Variants in KLHL7 observed in about 807,000 individuals in gnomAD.
KLHL7 encodes the protein kelch-like protein 7.
In KLHL7, 44 loss-of-function variants were observed where a neutral mutation model predicts 67.4. The observed-to-expected ratio is 0.65, with a 90% CI of 0.51 to 0.84. The LOEUF (loss-of-function observed/expected upper bound fraction) is 0.84. KLHL7 is among the 40% of genes least tolerant of loss of function. The pLI is 0.00. For missense variants in KLHL7, 362 were observed against 718.1 expected (o/e 0.50, Z 5.67); for synonymous variants, 252 against 243.3 (o/e 1.04, Z -0.33).
intron 1 of KLHL7, among the ~76,000 whole-genome samples, chr7:23,109,614 C>T (rs1363577641): frequency 6.6e-6 from 1 of 152,208 alleles, no homozygotes; most frequent in African/African-American, 2.4e-5. Flanking sequence ...GTTAACTGGG[C>T]TCACCTTCCG....
chr7:23,156,058 G>T (rs181406826), intron 7 of KLHL7: 2 of 462,778 alleles, frequency 4.3e-6, no homozygotes, highest in African/African-American at 4.0e-5. Context: ...ATTCTCATTT[G>T]TTGTCTTGCC....
intron 4 of KLHL7, among the ~76,000 whole-genome samples, chr7:23,133,235 A>C (rs1468078135): frequency 1.3e-5 from 2 of 152,122 alleles, no homozygotes; most frequent in Non-Finnish European, 2.9e-5. Flanking sequence ...TATGGGAAGT[A>C]TGGACATTTT....
intron 4 of KLHL7, among the ~76,000 whole-genome samples, chr7:23,136,929 G>A (rs1471571640): frequency 6.6e-6 from 1 of 151,920 alleles, no homozygotes; most frequent in Non-Finnish European, 1.5e-5. Context: ...CTTGACTTAT[G>A]TATCCTACTC....
At chr7:23,115,481 A>G (rs569526259) in intron 1 of KLHL7, among the ~76,000 whole-genome samples, 3 of 152,102 alleles carry the variant, frequency 2.0e-5, no homozygotes, top group East Asian at 1.9e-4. Context: ...TTTACCATCT[A>G]TAGAAGAGAT....
chr7:23,136,213 G>A (rs539679643), intron 4 of KLHL7, among the ~76,000 whole-genome samples: 2 of 152,310 alleles, frequency 1.3e-5, no homozygotes, highest in Non-Finnish European at 2.9e-5. Context: ...TTGCAAATGA[G>A]AGGGAGAGAA....
chr7:23,123,366 C>G (rs747981921), intron 1 of KLHL7, among the ~76,000 whole-genome samples: 10 of 151,362 alleles, frequency 6.6e-5, no homozygotes, highest in Non-Finnish European at 1.2e-4. Flanking sequence ...GAAAATAAAT[C>G]ATATAAAAAC....
chr7:23,169,777 T>C (rs887628611), intron 9 of KLHL7, among the ~76,000 whole-genome samples: 7 of 152,228 alleles, frequency 4.6e-5, no homozygotes, highest in Non-Finnish European at 7.3e-5. Flanking sequence ...GACCTAGCAT[T>C]TCTTTCATTT....
chr7:23,111,615 G>A (rs1404361214), intron 1 of KLHL7, among the ~76,000 whole-genome samples: 3 of 152,226 alleles, frequency 2.0e-5, no homozygotes, highest in African/African-American at 7.2e-5. Flanking sequence ...GAGGTCAGGA[G>A]TTTGAGACCA....
intron 4 of KLHL7, among the ~76,000 whole-genome samples, chr7:23,130,756 C>G (rs564065769): frequency 6.6e-6 from 1 of 152,068 alleles, no homozygotes; most frequent in East Asian, 1.9e-4. Flanking sequence ...TATGATCTGC[C>G]TCGATAAATA....
intron 9 of KLHL7, 56 bp downstream of exon 9, chr7:23,168,093 G>A (rs1785056054): frequency 3.3e-6 from 5 of 1,532,174 alleles, no homozygotes; most frequent in Admixed American, 1.7e-5. Flanking sequence ...AAGCTCTGTA[G>A]GAGATGTCAA....
At chr7:23,145,786 A>C (rs1391696867) in intron 6 of KLHL7, among the ~76,000 whole-genome samples, 1 of 152,220 alleles carries the variant, frequency 6.6e-6, no homozygotes, top group Non-Finnish European at 1.5e-5. Context: ...GCTGGAGTAC[A>C]GTGGTAAAAT....
chr7:23,125,155 A>G lies in KLHL7; in HGVS notation c.425A>G (p.Asp142Gly). The change falls in exon 4 of 11, where the codon GAT (aspartate) becomes GGT (glycine). Residue 142 changes from aspartate to glycine, a missense_variant. By Grantham distance (94) the Asp-to-Gly change is moderately conservative. Around this residue, in one of 5 missense-constraint regions of KLHL7, gnomAD observed 155 missense variants for 280.8 expected, o/e 0.55. Transcript: ENST00000339077. Reference sequence around the variant, plus strand: ...GTTGATTTTTTGAAAGAACAAGTTGATGCTTCAAATTGTCTTGGTAAGAAA... The same window carrying G: ...GTTGATTTTTTGAAAGAACAAGTTGGTGCTTCAAATTGTCTTGGTAAGAAA... ...MCVDFLKEQV[D>G]ASNCLGISVL... The G allele has an allele frequency of 1.9e-6, 3 of 1,613,514 alleles. No individual in the cohort carries two copies. The highest frequency in any genetic ancestry group is 1.3e-5 in the African/African-American group (1 of 75,028).
chr7:23,163,917 A>G (rs1300600223), intron 7 of KLHL7, among the ~76,000 whole-genome samples: 1 of 152,158 alleles, frequency 6.6e-6, no homozygotes, highest in African/African-American at 2.4e-5. Flanking sequence ...CAGCTCCCTG[A>G]CCCTGCCCAC....
At chr7:23,127,239 A>G (rs954620139) in intron 4 of KLHL7, among the ~76,000 whole-genome samples, 2 of 152,216 alleles carry the variant, frequency 1.3e-5, no homozygotes, top group African/African-American at 4.8e-5. Context: ...GGTGCAAAGC[A>G]TAGTGTGGAA....
chr7:23,151,485 C>T (rs896748524), intron 6 of KLHL7, among the ~76,000 whole-genome samples: 4 of 152,074 alleles, frequency 2.6e-5, no homozygotes. Context: ...TCCTAATTAC[C>T]GTGGGGTGTT....
intron 6 of KLHL7, among the ~76,000 whole-genome samples, chr7:23,144,783 CAT>C (rs1345897611): frequency 5.3e-5 from 8 of 152,170 alleles, no homozygotes; most frequent in Non-Finnish European, 1.0e-4. Context: ...TGACAAATCT[CAT>C]ATGTTTATTT....
intron 7 of KLHL7, among the ~76,000 whole-genome samples, chr7:23,163,468 G>A (rs951007447): frequency 1.3e-5 from 2 of 152,110 alleles, no homozygotes; most frequent in Non-Finnish European, 2.9e-5. Context: ...CACCACATCC[G>A]GCCCGAAGCT....
Position 23,125,262 on chromosome 7 carries a change from C to G in KLHL7, c.442+90C>G, listed in dbSNP as rs1263130914. 2.3e-6 allele frequency: 3 copies of G among 1,328,244 alleles called. No homozygotes were observed. In the South Asian group the frequency reaches 3.7e-5, roughly 16 times the overall value. 82.3% of individuals were successfully genotyped at this position (1,328,244 alleles called of 1,614,324 possible). On this transcript the variant is annotated intron_variant, in intron 4 of 10. Transcript: ENST00000339077. ...TTTAAAAAGGCTGATTTTAAGTATC[C>G]GCATTTAACCTTAAAGACATTGTCC... is the stretch of plus-strand genomic sequence containing the variant.
intron 4 of KLHL7, among the ~76,000 whole-genome samples, chr7:23,127,198 G>C (rs1030235737): frequency 5.3e-5 from 8 of 152,182 alleles, no homozygotes; most frequent in African/African-American, 1.7e-4. Context: ...AAAGAAGAAT[G>C]GCTGAAATAT....
Sources: allele counts gnomAD v4.1 joint callset (sites outside exome capture counted in the v4.1 genomes callset), GRCh38; gene constraint gnomAD v4.1.1; regional missense constraint gnomAD v4.1.1; transcripts MANE v1.5; gene names NCBI Gene and HGNC (gene_info 2026-07-23, HGNC 2026-07-21).